Variants in SOX5 observed in about 807,000 individuals in gnomAD.
SOX5 encodes the protein transcription factor SOX-5.
SOX5 carries 9 observed loss-of-function variants against 92.0 expected under a neutral mutation model. The observed-to-expected ratio is 0.10, with a 90% confidence interval of 0.06 to 0.17. The LOEUF is 0.17. SOX5 is among the 10% of genes least tolerant of loss of function. SOX5 has a pLI of 1.00. For synonymous variants in SOX5, 344 were observed against 336.3 expected (o/e 1.02, Z -0.25); for missense variants, 642 against 944.5 (o/e 0.68, Z 4.20).
intron 1 of SOX5, among the ~76,000 whole-genome samples, chr12:24,445,448 G>A (rs1941329043): frequency 6.6e-6 from 1 of 151,868 alleles, no homozygotes; most frequent in African/African-American, 2.4e-5. Flanking sequence ...AGTCTAAAGT[G>A]GATTATTAGA....
At chr12:23,559,069 A>C (rs989789626) in intron 11 of SOX5, among the ~76,000 whole-genome samples, 1 of 152,180 alleles carries the variant, frequency 6.6e-6, no homozygotes, top group Non-Finnish European at 1.5e-5. Flanking sequence ...GGCTGAGTGC[A>C]CTGGGCCTCT....
intron 4 of SOX5, among the ~76,000 whole-genome samples, chr12:24,114,573 CAAAA>C (rs55913110): frequency 2.5e-3 from 100 of 40,560 alleles, no homozygotes; most frequent in South Asian, 0.023. Flanking sequence ...CACCCCGTCA[CAAAA>C]AAAAAAAAAA....
intron 4 of SOX5, among the ~76,000 whole-genome samples, chr12:23,982,106 C>A (rs940320690): frequency 6.6e-6 from 1 of 152,074 alleles, no homozygotes; most frequent in African/African-American, 2.4e-5. Flanking sequence ...GAATTGGGCA[C>A]GAACGAACAT....
chr12:23,998,433 T>C (rs1218033757), intron 4 of SOX5, among the ~76,000 whole-genome samples: 1 of 151,974 alleles, frequency 6.6e-6, no homozygotes, highest in Non-Finnish European at 1.5e-5. Context: ...AACAAAGCCT[T>C]CTCAAAGACC....
intron 1 of SOX5, among the ~76,000 whole-genome samples, chr12:24,381,211 C>T (rs1200253584): frequency 2.0e-5 from 3 of 152,086 alleles, no homozygotes; most frequent in East Asian, 1.9e-4. Flanking sequence ...AAAACCAAAA[C>T]AACAAAACAA....
At chr12:23,576,302 C>A (rs975125510) in intron 9 of SOX5, among the ~76,000 whole-genome samples, 6 of 152,162 alleles carry the variant, frequency 3.9e-5, no homozygotes, top group African/African-American at 1.4e-4. Flanking sequence ...TAGTTGTGTG[C>A]CTCTGATCAG....
chr12:23,851,967 G>A (rs981264084), intron 2 of SOX5, among the ~76,000 whole-genome samples: 4 of 152,174 alleles, frequency 2.6e-5, no homozygotes, highest in South Asian at 2.1e-4. Context: ...GATGATCAGC[G>A]GCTAGGTTGG....
chr12:24,422,730 A>G (rs965036550), intron 1 of SOX5, among the ~76,000 whole-genome samples: 5 of 152,240 alleles, frequency 3.3e-5, no homozygotes, highest in African/African-American at 1.2e-4. Context: ...AATATTTTCA[A>G]CCAGGCACAG....
At chr12:23,895,233 C>T (rs2097165617) in intron 2 of SOX5, among the ~76,000 whole-genome samples, 1 of 145,462 alleles carries the variant, frequency 6.9e-6, no homozygotes, top group South Asian at 2.2e-4. Context: ...AAAAAATTAC[C>T]GAATTAACGA....
chr12:24,399,232 C>G (rs1960885433), intron 1 of SOX5, among the ~76,000 whole-genome samples: 2 of 151,982 alleles, frequency 1.3e-5, no homozygotes, highest in Admixed American at 6.5e-5. Flanking sequence ...TCTGAGCACA[C>G]TGCCTACAGC....
At chr12:24,535,216 G>C (rs1383612685) in intron 1 of SOX5, among the ~76,000 whole-genome samples, 1 of 152,178 alleles carries the variant, frequency 6.6e-6, no homozygotes, top group Non-Finnish European at 1.5e-5. Flanking sequence ...TGTGAATAGA[G>C]GGCTCACTGG....
chr12:23,826,560 A>G (rs1483350030), intron 3 of SOX5, among the ~76,000 whole-genome samples: 1 of 152,118 alleles, frequency 6.6e-6, no homozygotes, highest in African/African-American at 2.4e-5. Context: ...AGGACTGACA[A>G]CTGACCTCCC....
intron 1 of SOX5, among the ~76,000 whole-genome samples, chr12:24,528,837 T>C (rs1597638070): frequency 6.6e-6 from 1 of 152,238 alleles, no homozygotes; most frequent in Non-Finnish European, 1.5e-5. Flanking sequence ...TAAAGAAAAG[T>C]CTGCAAAACA....
chr12:23,824,832 C>T (rs1057490514), intron 3 of SOX5, among the ~76,000 whole-genome samples: 8 of 152,162 alleles, frequency 5.3e-5, no homozygotes, highest in East Asian at 1.9e-4. Context: ...GTAGCTTTGC[C>T]GAGCTGTGGT....
At chr12:23,925,134 T>C (rs1367061544) in intron 1 of SOX5, among the ~76,000 whole-genome samples, 1 of 152,144 alleles carries the variant, frequency 6.6e-6, no homozygotes, top group African/African-American at 2.4e-5. Flanking sequence ...AATAATATTT[T>C]CATAATGTAG....
At chr12:23,949,492 C>T in intron 1 of SOX5, 72 bp downstream of exon 1, 1 of 1,580,488 alleles carries the variant, frequency 6.3e-7, no homozygotes, top group Non-Finnish European at 8.7e-7. Context: ...GAGCATCTTC[C>T]AATGATTCAG....
intron 2 of SOX5, among the ~76,000 whole-genome samples, chr12:23,859,094 A>G (rs1190808164): frequency 6.6e-6 from 1 of 152,216 alleles, no homozygotes; most frequent in East Asian, 1.9e-4. Flanking sequence ...GTGTTTGAAC[A>G]ATATGAAATC....
intron 1 of SOX5, among the ~76,000 whole-genome samples, chr12:24,537,917 C>T (rs1951779508): frequency 6.6e-6 from 1 of 152,142 alleles, no homozygotes; most frequent in Non-Finnish European, 1.5e-5. Flanking sequence ...AATTTAGATT[C>T]ATTGGTACTT....
chr12:23,763,780 A>T (rs904605250), intron 3 of SOX5, among the ~76,000 whole-genome samples: 1 of 152,122 alleles, frequency 6.6e-6, no homozygotes, highest in Admixed American at 6.6e-5. Context: ...ATAGCTTTGT[A>T]GTGCTCTTTT....
Sources: allele counts gnomAD v4.1 joint callset (sites outside exome capture counted in the v4.1 genomes callset), GRCh38; gene constraint gnomAD v4.1.1; transcripts MANE v1.5; gene names NCBI Gene and HGNC (gene_info 2026-07-23, HGNC 2026-07-21).